YEATS4: variants seen among roughly 807,000 people sequenced by gnomAD.
YEATS4 encodes the protein YEATS domain containing 4.
YEATS4 carries 17 observed loss-of-function variants against 30.1 expected under a neutral mutation model. The observed-to-expected ratio is 0.56, with a 90% confidence interval of 0.39 to 0.85. The LOEUF is 0.85. Among genes scored for constraint, YEATS4 ranks in the 40% least tolerant of loss-of-function variants. YEATS4 has a pLI of 0.00. For missense variants in YEATS4, 142 were observed against 268.3 expected (o/e 0.53, Z 3.29); for synonymous variants, 85 against 87.5 (o/e 0.97, Z 0.16).
In YEATS4 at chr12:69,362,797, A is replaced by G. The variant is rs776641341; in HGVS notation, c.61A>G (p.Ile21Val). Reference sequence around the variant, plus strand: ...ATTATTTTTCTTTTAGGGTGTTACTATCGTTAAACCAATAGTTTACGGTAA... The same window carrying G: ...ATTATTTTTCTTTTAGGGTGTTACTGTCGTTAAACCAATAGTTTACGGTAA... ...DSGGRVKGVT[I>V]VKPIVYGNVA... The change falls in exon 2 of 7, where the codon ATC becomes GTC. Residue 21 changes from isoleucine to valine, a missense_variant. Ile to Val is a conservative substitution (Grantham distance 29). Around this residue, in one of 3 missense-constraint regions of YEATS4, gnomAD observed 25 missense variants for 35.7 expected, o/e 0.70. Transcript: ENST00000247843. 5 of 1,604,996 alleles carry G rather than the reference A, an allele frequency of 3.1e-6. No homozygotes were observed. Among genetic ancestry groups the G allele is most frequent in the East Asian group, 2.2e-5 (1 of 44,644 alleles).
chr12:69,376,382 T>C (rs1875874288), intron 6 of YEATS4, among the ~76,000 whole-genome samples: 1 of 152,158 alleles, frequency 6.6e-6, no homozygotes, highest in African/African-American at 2.4e-5. Flanking sequence ...AATAAATAAA[T>C]AAATAATGAT....
At chr12:69,408,528 G>T in the YEATS4 span, among the ~76,000 whole-genome samples, 2 of 152,094 alleles carry the variant, frequency 1.3e-5, no homozygotes, top group Non-Finnish European at 2.9e-5. Context: ...TTTGATACAT[G>T]TTGCCAGGTT....
intron 4 of YEATS4, among the ~76,000 whole-genome samples, chr12:69,369,311 T>C (rs1364567500): frequency 6.6e-6 from 1 of 152,204 alleles, no homozygotes; most frequent in African/African-American, 2.4e-5. Flanking sequence ...CAAGTTTCTT[T>C]TTTTCATTTT....
chr12:69,383,001 T>C (rs1876135611), intron 6 of YEATS4, among the ~76,000 whole-genome samples: 1 of 152,154 alleles, frequency 6.6e-6, no homozygotes, highest in African/African-American at 2.4e-5. Context: ...GGCTCATGCC[T>C]ATAATCGCAG....
the YEATS4 span, among the ~76,000 whole-genome samples, chr12:69,398,233 C>T: frequency 6.6e-6 from 1 of 151,818 alleles, no homozygotes; most frequent in African/African-American, 2.4e-5. Flanking sequence ...AAAAGTCATC[C>T]AGATTAGAAA....
chr12:69,384,302 C>T (rs923593141), intron 6 of YEATS4, among the ~76,000 whole-genome samples: 1 of 118,446 alleles, frequency 8.4e-6, no homozygotes, highest in Non-Finnish European at 2.0e-5. Flanking sequence ...CTGTTTTTGA[C>T]AAAACTATCA....
In YEATS4 at chr12:69,365,709, A is replaced by G; in HGVS notation, c.238+10A>G. 6.2e-7 allele frequency: 1 copy of G among 1,608,128 alleles called. No individual in the cohort carries two copies. On this transcript the variant is annotated intron_variant, in intron 3 of 6. Coordinates refer to ENST00000247843, the MANE Select transcript of YEATS4 (RefSeq NM_006530.4). ...GGCAATCCTTTAAGAGGTACAATAT[A>G]GTCTTTTGATTCACAATATCCAAAG...
At chr12:69,362,653 TGA>T in intron 1 of YEATS4, 133 bp from the exon 2 acceptor site, 1 of 575,942 alleles carries the variant, frequency 1.7e-6, no homozygotes, top group Non-Finnish European at 2.7e-6. Context: ...GAAATTGATT[TGA>T]GAGAAATCCA....
chr12:69,411,939 G>C, the YEATS4 span, among the ~76,000 whole-genome samples: 1 of 152,204 alleles, frequency 6.6e-6, no homozygotes, highest in African/African-American at 2.4e-5. Context: ...TCATTGCAAG[G>C]ACTTTAGTTT....
the YEATS4 span, among the ~76,000 whole-genome samples, chr12:69,403,576 C>CA: frequency 0.13 from 10,967 of 85,946 alleles, 438 homozygotes; most frequent in African/African-American, 0.17. Context: ...GACTCTGTCT[C>CA]AAAAAAAAAA....
In YEATS4 at chr12:69,390,693, A is replaced by T. The variant is rs1300515513; in HGVS notation, c.*377A>T. ...TTTAGTGGCTAGAATTAGTGAAGAAACTTAATGTGTATATTTAATTTCTTC... is the reference window on the plus strand; with the variant it reads ...TTTAGTGGCTAGAATTAGTGAAGAATCTTAATGTGTATATTTAATTTCTTC... On this transcript the variant is annotated 3_prime_UTR_variant, in exon 7 of 7. Transcript: ENST00000247843. 3.9e-5 allele frequency: 6 copies of T among 153,550 alleles called. No homozygotes were observed. The highest frequency in any genetic ancestry group is 3.3e-4 in the Admixed American group (5 of 15,304). 9.5% of individuals were successfully genotyped at this position (153,550 alleles called of 1,614,324 possible).
At chr12:69,391,508 A>G (rs1425012282), downstream of YEATS4, among the ~76,000 whole-genome samples, 1 of 152,186 alleles carries the variant, frequency 6.6e-6, no homozygotes, top group Admixed American at 6.5e-5. Context: ...GCAACCTAGG[A>G]ACAAAAATAC....
chr12:69,398,772 G>GC, the YEATS4 span, among the ~76,000 whole-genome samples: 1 of 149,608 alleles, frequency 6.7e-6, no homozygotes, highest in African/African-American at 2.5e-5. Flanking sequence ...TCAGGATCAT[G>GC]CTACTGCACT....
At chr12:69,376,714 C>T (rs866326580) in intron 6 of YEATS4, among the ~76,000 whole-genome samples, 4 of 152,068 alleles carry the variant, frequency 2.6e-5, no homozygotes, top group African/African-American at 9.7e-5. Flanking sequence ...TAATACTGGC[C>T]TCATAGAATG....
At chr12:69,373,133 C>T (rs1183062103) in intron 6 of YEATS4, among the ~76,000 whole-genome samples, 4 of 152,138 alleles carry the variant, frequency 2.6e-5, no homozygotes, top group African/African-American at 9.7e-5. Flanking sequence ...GATATACTGA[C>T]TTATTTTCTT....
chr12:69,421,474 T>C, the YEATS4 span, among the ~76,000 whole-genome samples: 1 of 152,102 alleles, frequency 6.6e-6, no homozygotes, highest in East Asian at 1.9e-4. Context: ...ATGTATACCT[T>C]AAAAAAATGG....
chr12:69,405,669 C>G, the YEATS4 span, among the ~76,000 whole-genome samples: 1 of 152,200 alleles, frequency 6.6e-6, no homozygotes, highest in Non-Finnish European at 1.5e-5. Context: ...GTAATGCAGA[C>G]AGCGTGGATC....
chr12:69,378,899 A>G (rs556107959), intron 6 of YEATS4, among the ~76,000 whole-genome samples: 2 of 144,392 alleles, frequency 1.4e-5, no homozygotes, highest in East Asian at 4.0e-4. Context: ...ACTTATTAAC[A>G]TGCTTTTCTT....
chr12:69,381,078 G>A (rs1181159717), intron 6 of YEATS4, among the ~76,000 whole-genome samples: 1 of 152,166 alleles, frequency 6.6e-6, no homozygotes, highest in Admixed American at 6.5e-5. Flanking sequence ...GGGTTTGAGA[G>A]CAGGCAACCG....
Sources: gnomAD v4.1 joint callset for allele counts (sites outside exome capture counted in the v4.1 genomes callset) on GRCh38, gnomAD v4.1.1 for gene constraint, gnomAD v4.1.1 regional missense constraint, MANE v1.5 for transcripts, NCBI Gene and HGNC (gene_info 2026-07-23, HGNC 2026-07-21) for gene names.